ADAM19: variants seen among roughly 807,000 people sequenced by gnomAD.
ADAM19 encodes the protein disintegrin and metalloproteinase domain-containing protein 19.
ADAM19 carries 65 observed loss-of-function variants against 114.7 expected under a neutral mutation model. The ratio of observed to expected loss-of-function variants is 0.57; its 90% confidence interval spans 0.46 to 0.70. The LOEUF is 0.70. ADAM19 is among the 30% of genes least tolerant of loss of function. The probability of loss-of-function intolerance (pLI) is 0.00; values close to 1 mark genes in which losing one functional copy is unlikely to be tolerated. For synonymous variants in ADAM19, 466 were observed against 460.5 expected (o/e 1.01, Z -0.15); for missense variants, 1,063 against 1,204.7 (o/e 0.88, Z 1.74).
intron 1 of ADAM19, among the ~76,000 whole-genome samples, chr5:157,571,982 T>C: frequency 6.6e-6 from 1 of 152,240 alleles, no homozygotes. Flanking sequence ...AGCTTCCTAA[T>C]GGCAAGTTTA....
intron 10 of ADAM19, among the ~76,000 whole-genome samples, chr5:157,506,126 T>C (rs981159806): frequency 2.6e-5 from 4 of 152,190 alleles, no homozygotes; most frequent in Admixed American, 2.0e-4. Context: ...CTTCTGAACA[T>C]ATATATTTCT....
Position 157,491,918 on chromosome 5 carries a change from C to T in ADAM19, c.1909-6G>A, listed in dbSNP as rs772728570. The T allele has an allele frequency of 6.8e-6, 11 of 1,613,886 alleles. No individual in the cohort carries two copies. Among genetic ancestry groups the T allele is most frequent in the Admixed American group, 3.3e-5 (2 of 59,996 alleles). On this transcript the variant is annotated splice_polypyrimidine_tract_variant and splice_region_variant and intron_variant, in intron 16 of 22. Coordinates refer to ENST00000257527, the MANE Select transcript of ADAM19 (RefSeq NM_033274.5). ...CACTGCCCCTCAAAGCAAATCTGCA[C>T]GGAGAGAAAACAGAACGATCAGTGC... is the stretch of plus-strand genomic sequence containing the variant.
rs1427885376 is a variant in ADAM19, at chr5:157,481,934, T to C, written c.2560A>G (p.Arg854Gly). Residue 854 changes from arginine to glycine, a missense_variant, in exon 22 of 23, where the codon AGG becomes GGG. Physicochemically the swap from Arg to Gly is moderately radical, Grantham distance 125. Coordinates refer to ENST00000257527, the MANE Select transcript of ADAM19 (RefSeq NM_033274.5). ...PNCIVSQDFS[R>G]PRPPQKALPA... ...AGTGCCTTCTGGGGCGGCCGAGGCC[T>C]GGAGAAGTCCTGGAGAGAAAGCAAT... The C allele has an allele frequency of 1.2e-6, 2 of 1,601,200 alleles. No individual in the cohort carries two copies. The highest frequency in any genetic ancestry group is 1.7e-6 in the Non-Finnish European group (2 of 1,172,944).
At chr5:157,540,651 T>A (rs1756892929) in intron 3 of ADAM19, among the ~76,000 whole-genome samples, 1 of 152,154 alleles carries the variant, frequency 6.6e-6, no homozygotes, top group South Asian at 2.1e-4. Flanking sequence ...GCAGTACATG[T>A]GCATTCTGTG....
At chr5:157,490,283 T>C in intron 19 of ADAM19, 27 bp downstream of exon 19, 1 of 1,612,866 alleles carries the variant, frequency 6.2e-7, no homozygotes, top group South Asian at 1.1e-5. Context: ...AAATTGACCC[T>C]GAGTCCTCCA....
intron 1 of ADAM19, 102 bp downstream of exon 1, chr5:157,575,501 G>T: frequency 1.2e-6 from 1 of 853,508 alleles, no homozygotes; most frequent in Non-Finnish European, 1.6e-6. Context: ...CCGCGGAGTT[G>T]CGGGAGGCGC....
chr5:157,560,658 C>T (rs1757486698), intron 3 of ADAM19, among the ~76,000 whole-genome samples: 1 of 152,194 alleles, frequency 6.6e-6, no homozygotes, highest in Non-Finnish European at 1.5e-5. Flanking sequence ...ACAAAAATAG[C>T]AGCTTCTGTG....
intron 1 of ADAM19, among the ~76,000 whole-genome samples, chr5:157,575,339 GGAA>G (rs1464480458): frequency 1.3e-5 from 2 of 152,236 alleles, no homozygotes; most frequent in Admixed American, 1.3e-4. Context: ...GAAAAACAGA[GGAA>G]GGAGAAGGCG....
Position 157,480,439 on chromosome 5 carries a change from G to A in ADAM19, c.*510C>T. 5.0e-6 allele frequency: 5 copies of A among 990,460 alleles called. No homozygotes were observed. The highest frequency in any genetic ancestry group is 6.0e-6 in the Non-Finnish European group (5 of 833,208). 61.4% of individuals were successfully genotyped at this position (990,460 alleles called of 1,614,324 possible). On this transcript the variant is annotated 3_prime_UTR_variant, in exon 23 of 23. Coordinates refer to ENST00000257527, the MANE Select transcript of ADAM19 (RefSeq NM_033274.5). ...CAACCAAGCCCTGGGCAGGGCCACA[G>A]CAGTGGCTGGCTTGACCCTTCCTTA...
In ADAM19 at chr5:157,505,960, G is replaced by A. The variant is rs577944599; in HGVS notation, c.991-152C>T. The A allele has an allele frequency of 2.9e-5, 23 of 796,628 alleles. No homozygotes were observed. The South Asian group carries it at 4.7e-4, about 16-fold the overall frequency. The allele number at this position is 796,628 out of a possible 1,614,324, so 49.3% of individuals were successfully genotyped here. On this transcript the variant is annotated intron_variant, in intron 10 of 22. Transcript: ENST00000257527. ...TCTCCATATGTGCCTCTGACAGCAAGGCTGAATCTGCTGTCACTAGGAGGA... is the reference window on the plus strand; with the variant it reads ...TCTCCATATGTGCCTCTGACAGCAAAGCTGAATCTGCTGTCACTAGGAGGA...
At chr5:157,567,813 TAAAA>T (rs1248992073) in intron 2 of ADAM19, among the ~76,000 whole-genome samples, 1 of 144,332 alleles carries the variant, frequency 6.9e-6, no homozygotes, top group Non-Finnish European at 1.5e-5. Context: ...AAAAAAAAAA[TAAAA>T]AAGAAAGAAA....
At chr5:157,555,291 A>G (rs951394791) in intron 3 of ADAM19, among the ~76,000 whole-genome samples, 2 of 152,196 alleles carry the variant, frequency 1.3e-5, no homozygotes, top group Non-Finnish European at 2.9e-5. Flanking sequence ...ATACCACAGT[A>G]CGATGCCTGT....
chr5:157,553,314 T>G (rs1757256009), intron 3 of ADAM19, among the ~76,000 whole-genome samples: 1 of 152,336 alleles, frequency 6.6e-6, no homozygotes, highest in South Asian at 2.1e-4. Context: ...ACACTTACTA[T>G]GTATGTACTC....
chr5:157,535,635 C>A (rs1756741913), intron 4 of ADAM19, among the ~76,000 whole-genome samples: 1 of 152,208 alleles, frequency 6.6e-6, no homozygotes, highest in Non-Finnish European at 1.5e-5. Flanking sequence ...AGGGGGAGTT[C>A]TTTTCCAATC....
At chr5:157,503,876 T>C (rs1213362088) in intron 11 of ADAM19, among the ~76,000 whole-genome samples, 1 of 152,204 alleles carries the variant, frequency 6.6e-6, no homozygotes, top group East Asian at 1.9e-4. Context: ...GCATGCTCTT[T>C]ATCACAGGAG....
intron 3 of ADAM19, among the ~76,000 whole-genome samples, chr5:157,546,970 T>C (rs1188066000): frequency 3.3e-5 from 5 of 152,190 alleles, no homozygotes. Flanking sequence ...GCTGCTGGAA[T>C]GGGCAGAGGT....
At position 157,497,000 on chromosome 5, in the gene ADAM19, G is replaced by C; in HGVS notation, c.1488C>G (p.Thr496=). 6.3e-7 allele frequency: 1 copy of C among 1,597,690 alleles called. No individual in the cohort carries two copies. Among genetic ancestry groups the C allele is most frequent in the Non-Finnish European group, 8.5e-7 (1 of 1,173,044 alleles). ...FCTGKSPHCP[T]NFYQMDGTPC... is the part of the protein sequence containing the mutation. ...GGGTACCATCCATCTGGTAGAAGTT[G>C]GTAGGGCAGTGGGGAGACTTGCCCG... The change falls in exon 14 of 23, where the codon ACC becomes ACG. Residue 496 remains threonine (T), a synonymous_variant. Coordinates refer to ENST00000257527, the MANE Select transcript of ADAM19 (RefSeq NM_033274.5).
At chr5:157,481,678 A>G in intron 22 of ADAM19, 113 bp downstream of exon 22, 1 of 1,551,734 alleles carries the variant, frequency 6.4e-7, no homozygotes, top group Non-Finnish European at 8.7e-7. Context: ...TTGTTCTGGA[A>G]GTTCAGTCCA....
At chr5:157,553,019 G>A (rs532901618) in intron 3 of ADAM19, among the ~76,000 whole-genome samples, 21 of 152,210 alleles carry the variant, frequency 1.4e-4, no homozygotes, top group African/African-American at 4.6e-4. Flanking sequence ...AGAAAGAGTA[G>A]AAGGATGGTT....
Sources: allele counts gnomAD v4.1 joint callset (sites outside exome capture counted in the v4.1 genomes callset), GRCh38; gene constraint gnomAD v4.1.1; transcripts MANE v1.5; gene names NCBI Gene and HGNC (gene_info 2026-07-23, HGNC 2026-07-21).